Variants in ADAM33 observed in about 807,000 individuals in gnomAD.
ADAM33 encodes disintegrin and metalloproteinase domain-containing protein 33.
In ADAM33, 103 loss-of-function variants were observed where a neutral mutation model predicts 106.2. The ratio of observed to expected loss-of-function variants is 0.97; its 90% CI spans 0.83 to 1.14. The LOEUF is 1.14. Ranked by LOEUF, ADAM33 falls within the 50% of genes most tolerant of loss-of-function variation. ADAM33 has a pLI of 0.00. For synonymous variants in ADAM33, 483 were observed against 453.0 expected, an observed-to-expected ratio of 1.07 and a Z score of -0.84; for missense variants, 1,120 against 1,096.6, an observed-to-expected ratio of 1.02 and a Z score of -0.30.
chr20:3,673,864 C>T lies in ADAM33; in HGVS notation c.786G>A (p.Val262=), dbSNP rs537195705. ...DIQVALTGLE[V]WTERDRSRVT... ...CGCGGCTGCGGTCCCGCTCGGTCCA[C>T]ACCTCCAGGCCGGTCAGCGCCACCT... The change falls in exon 9 of 22, where the codon GTG becomes GTA. Residue 262 remains valine (V), a synonymous_variant. Coordinates refer to ENST00000356518, the MANE Select transcript of ADAM33 (RefSeq NM_025220.5). 8 of 1,563,872 alleles carry T rather than the reference C, an allele frequency of 5.1e-6. No individual in the cohort carries two copies. The highest frequency in any genetic ancestry group is 1.4e-5 in the African/African-American group (1 of 73,894).
At chr20:3,672,006 C>G (rs1395443046) in intron 14 of ADAM33, 21 bp from the exon 15 acceptor site, 1 of 1,553,178 alleles carries the variant, frequency 6.4e-7, no homozygotes, top group Non-Finnish European at 8.7e-7. Flanking sequence ...ATGGGCCAGG[C>G]TGGGGGCAGC....
At chr20:3,669,777 C>CT (rs1238457903) in intron 19 of ADAM33, 140 bp from the exon 20 acceptor site, 8 of 786,812 alleles carry the variant, frequency 1.0e-5, no homozygotes, top group Admixed American at 4.0e-5. Flanking sequence ...AAGTCACCCT[C>CT]TCAGCTCCCT....
intron 1 of ADAM33, among the ~76,000 whole-genome samples, chr20:3,680,308 C>T (rs2088373395): frequency 6.6e-6 from 1 of 152,094 alleles, no homozygotes; most frequent in African/African-American, 2.4e-5. Context: ...GAGCCAGGCC[C>T]CAGGCACCCA....
chr20:3,673,434 G>A lies in ADAM33; in HGVS notation c.1053C>T (p.Leu351=), dbSNP rs746535429. The change falls in exon 11 of 22, where the codon CTC becomes CTT. Residue 351 remains leucine, a synonymous_variant. Transcript: ENST00000356518. ...AGCCGTCGGGGTCGTGGCTGAGGCCGAGGCTGTGGCCGATCTCATGGGCCA... is the reference window on the plus strand; with the variant it reads ...AGCCGTCGGGGTCGTGGCTGAGGCCAAGGCTGTGGCCGATCTCATGGGCCA... ...ATMAHEIGHS[L]GLSHDPDGCC... 7.0e-6 allele frequency: 11 copies of A among 1,577,168 alleles called. No individual in the cohort carries two copies. The East Asian group carries it at 2.3e-4, about 33-fold the overall frequency.
rs146682885 is a variant in ADAM33 at position 3,675,028 on chromosome 20, G to A, written c.332C>T (p.Thr111Met). 7.9e-5 allele frequency: 127 copies of A among 1,613,284 alleles called. No individual in the cohort carries two copies. The highest frequency in any genetic ancestry group is 1.1e-4 in the East Asian group (5 of 44,894). ...GQPVVLAPNH[T>M]DHCHYQGRVR... ...CCAGAGCCCATGGAAGCATCTCACC[G>A]TGTGGTTGGGGGCCAGCACCACTGG... The change falls in exon 4 of 22, where the codon ACG becomes ATG. Residue 111 changes from threonine (T) to methionine (M), a missense_variant and splice_region_variant. By Grantham distance (81) the Thr-to-Met change is moderately conservative (BLOSUM62 -1). Transcript: ENST00000356518. The surrounding 1 kb of genome is among the most constrained non-coding windows in gnomAD (Gnocchi z 4.1).
At chr20:3,670,687 A>C (rs1428348873) in intron 19 of ADAM33, 1 of 343,670 alleles carries the variant, frequency 2.9e-6, no homozygotes, top group Admixed American at 4.0e-5. Flanking sequence ...CTGCAATCTG[A>C]GCCAGGGAAA....
Position 3,671,161 on chromosome 20 carries a change from G to A in ADAM33, c.2093-8C>T, listed in dbSNP as rs1473616306. On this transcript the variant is annotated splice_polypyrimidine_tract_variant and splice_region_variant and intron_variant, in intron 18 of 21. Coordinates refer to ENST00000356518, the MANE Select transcript of ADAM33 (RefSeq NM_025220.5). Reference sequence around the variant, plus strand: ...GCAGGAAGGTGTCATGGTCTGCGGGGATTGGGGGAAGGGGCGCTGAGTCCT... The same window carrying A: ...GCAGGAAGGTGTCATGGTCTGCGGGAATTGGGGGAAGGGGCGCTGAGTCCT... 6.2e-7 allele frequency: 1 copy of A among 1,613,252 alleles called. No homozygotes were observed. The highest frequency in any genetic ancestry group is 8.5e-7 in the Non-Finnish European group (1 of 1,179,668).
rs2087636630 is a variant in ADAM33, at chr20:3,672,817, G to A, written c.1215C>T (p.Leu405=). The A allele has an allele frequency of 6.3e-7, 1 of 1,577,248 alleles. No homozygotes were observed. Among genetic ancestry groups the A allele is most frequent in the Non-Finnish European group, 8.6e-7 (1 of 1,165,954 alleles). Residue 405 remains leucine (L), a synonymous_variant, in exon 12 of 22, where the codon CTC becomes CTT. Coordinates refer to ENST00000356518, the MANE Select transcript of ADAM33 (RefSeq NM_025220.5). ...AFFRKGGGAC[L]SNAPDPGLPV... ...GGAGTCCGGGGTCCGGGGCATTGGA[G>A]AGGCAAGCGCCGCCCCCCTTGCGGA...
intron 3 of ADAM33, 130 bp downstream of exon 3, chr20:3,676,937 G>A (rs1319085863): frequency 6.5e-5 from 64 of 977,780 alleles, no homozygotes; most frequent in Non-Finnish European, 8.7e-5. Context: ...ACAGGCCTGC[G>A]TGACTCTCCC....
chr20:3,669,023 G>T, intron 21 of ADAM33, 23 bp from the exon 22 acceptor site: 1 of 1,613,744 alleles, frequency 6.2e-7, no homozygotes, highest in African/African-American at 1.3e-5. Flanking sequence ...AGGATATGTT[G>T]TCCCCTAAGG....
chr20:3,681,983 C>A lies in ADAM33; in HGVS notation c.22G>T (p.Ala8Ser). 1 of 1,539,122 alleles carries A rather than the reference C, an allele frequency of 6.5e-7. No individual in the cohort carries two copies. Among genetic ancestry groups the A allele is most frequent in the Non-Finnish European group, 8.8e-7 (1 of 1,142,326 alleles). The change falls in exon 1 of 22, where the codon GCT (alanine) becomes TCT (serine). Residue 8 changes from alanine (A) to serine (S), a missense_variant. Physicochemically the swap from Ala to Ser is moderately conservative, Grantham distance 99. Transcript: ENST00000356518. ...AGCAGCAGCAACGGGGTCCCCCGAGCTCTCCGGGGCCTCCAGCCCATAGCT... is the reference window on the plus strand; with the variant it reads ...AGCAGCAGCAACGGGGTCCCCCGAGATCTCCGGGGCCTCCAGCCCATAGCT... MGWRPRRARGTPLLLLLL... is the reference protein window; with the variant it reads MGWRPRRSRGTPLLLLLL...
rs558099558 is a variant in ADAM33 at position 3,675,288 on chromosome 20, G to C, written c.255-183C>G. Among the ~76,000 whole-genome samples the C allele has an allele frequency of 2.6e-5, 4 of 152,222 alleles. No individual in the cohort carries two copies. Among genetic ancestry groups the C allele is most frequent in the Admixed American group, 2.6e-4 (4 of 15,286 alleles). The stretch of plus-strand genomic sequence containing the variant: ...CAGATCAGAAACTCTTGGGGCTAGA[G>C]GAAGGAGCCTTGGTGATGGCTTAGT... On this transcript the variant is annotated intron_variant, in intron 3 of 21. Coordinates refer to ENST00000356518, the MANE Select transcript of ADAM33 (RefSeq NM_025220.5). This position sits in a 1 kb window ranked among gnomAD's most constrained non-coding sequence, Gnocchi z 4.1.
chr20:3,671,560 G>A (rs612709), intron 16 of ADAM33, 21 bp downstream of exon 16: 256,888 of 1,606,960 alleles, frequency 0.16, 25,466 homozygotes, highest in African/African-American at 0.49. Flanking sequence ...GGCAAGGAGG[G>A]GTCGGGTGGG....
At position 3,673,499 on chromosome 20, in the gene ADAM33, G is replaced by A. The variant is rs753842555; in HGVS notation, c.991-3C>T. The A allele has an allele frequency of 1.3e-6, 2 of 1,487,086 alleles. No individual in the cohort carries two copies. The highest frequency in any genetic ancestry group is 1.8e-6 in the Non-Finnish European group (2 of 1,127,178). 92.1% of individuals were successfully genotyped at this position (1,487,086 alleles called of 1,614,324 possible). ...CCGATGGGGAGCTCCGAGTGGTCCT[G>A]GGGGGCCGTGGGAGGGCGGTCACTG... On this transcript the variant is annotated splice_region_variant and splice_polypyrimidine_tract_variant and intron_variant, in intron 10 of 21. Transcript: ENST00000356518.
intron 2 of ADAM33, 101 bp downstream of exon 2, chr20:3,679,391 T>A (rs1428815757): frequency 4.7e-6 from 6 of 1,288,822 alleles, no homozygotes; most frequent in Non-Finnish European, 6.5e-6. Context: ...GACTTGGTGG[T>A]TCTGGGGACC....
chr20:3,679,749 C>T (rs188833518), intron 1 of ADAM33, among the ~76,000 whole-genome samples, 178 bp from the exon 2 acceptor site: 97 of 152,182 alleles, frequency 6.4e-4, no homozygotes, highest in Non-Finnish European at 6.5e-4. Flanking sequence ...CGTGGGCATC[C>T]TTGGATCTGA....
At chr20:3,673,272 T>C in intron 11 of ADAM33, 82 bp downstream of exon 11, 1 of 1,534,234 alleles carries the variant, frequency 6.5e-7, no homozygotes, top group African/African-American at 1.4e-5. Context: ...AAGAGGAAAC[T>C]GAGGGACGAC....
Position 3,675,976 on chromosome 20 carries a change from G to A in ADAM33, c.255-871C>T, listed in dbSNP as rs956075961. 7.2e-5 allele frequency among the ~76,000 whole-genome samples: 11 copies of A among 152,194 alleles called. No individual in the cohort carries two copies. Among genetic ancestry groups the A allele is most frequent in the East Asian group, 1.9e-4 (1 of 5,168 alleles). On this transcript the variant is annotated intron_variant, in intron 3 of 21. Transcript: ENST00000356518. This position sits in a 1 kb window ranked among gnomAD's most constrained non-coding sequence, Gnocchi z 4.1. ...GTGATGTGACCACCCCATTGAAAGGGTAGGGACGTCGGGAAAATATGGTTG... is the reference window on the plus strand; with the variant it reads ...GTGATGTGACCACCCCATTGAAAGGATAGGGACGTCGGGAAAATATGGTTG...
rs1374575627 is a variant in ADAM33 at position 3,674,689 on chromosome 20, GGCCACTAGGGT to G, written c.411-7_414del. 3.7e-6 allele frequency: 6 copies of G among 1,606,500 alleles called. No individual in the cohort carries two copies. Among genetic ancestry groups the G allele is most frequent in the Non-Finnish European group, 5.1e-6 (6 of 1,176,688 alleles). On this transcript the variant is annotated splice_acceptor_variant and splice_polypyrimidine_tract_variant and coding_sequence_variant and intron_variant, in exon 6 of 22. Coordinates refer to ENST00000356518, the MANE Select transcript of ADAM33 (RefSeq NM_025220.5). LOFTEE classifies it high-confidence loss of function. ...CTGGCATTCCTGCTGAGGGTGATCA[GGCCACTAGGGT>G]GCAGAGGGGTAGGAGCGGGTGTGAG...
Sources: allele counts gnomAD v4.1 joint callset (sites outside exome capture counted in the v4.1 genomes callset), GRCh38; gene constraint gnomAD v4.1.1; non-coding constraint Gnocchi (gnomAD v3.1); transcripts MANE v1.5; gene names NCBI Gene and HGNC (gene_info 2026-07-23, HGNC 2026-07-21).